The following MCM8 variants were observed in gnomAD, a reference collection of about 807,000 sequenced individuals.
MCM8 encodes the protein DNA helicase MCM8.
In MCM8, 85 loss-of-function variants were observed where a neutral mutation model predicts 98.9. The ratio of observed to expected loss-of-function variants is 0.86; its 90% CI spans 0.72 to 1.03. The LOEUF (loss-of-function observed/expected upper bound fraction) is 1.03. MCM8 is among the 50% of genes least tolerant of loss of function. MCM8 has a pLI of 0.00. For synonymous variants in MCM8, 352 were observed against 338.6 expected, an observed-to-expected ratio of 1.04 and a Z score of -0.44; for missense variants, 951 against 997.8, an observed-to-expected ratio of 0.95 and a Z score of 0.63.
chr20:5,973,719 A>G (rs1203679747), intron 12 of MCM8, among the ~76,000 whole-genome samples: 1 of 151,418 alleles, frequency 6.6e-6, no homozygotes, highest in Non-Finnish European at 1.5e-5. Flanking sequence ...CAGTGGCATG[A>G]TCTGGGCTCA....
chr20:5,955,434 A>G (rs2088952659), intron 5 of MCM8, among the ~76,000 whole-genome samples, 183 bp downstream of exon 5: 1 of 152,376 alleles, frequency 6.6e-6, no homozygotes, highest in Non-Finnish European at 1.5e-5. Context: ...GAAAGATACC[A>G]TTCATTCTAT....
chr20:5,953,777 A>C (rs2088897368), intron 3 of MCM8, among the ~76,000 whole-genome samples: 1 of 130,416 alleles, frequency 7.7e-6, no homozygotes, highest in Non-Finnish European at 1.5e-5. Flanking sequence ...CCAGCCGCAT[A>C]CTTTTTTTTT....
At chr20:5,989,204 C>G (rs1407692172) in intron 17 of MCM8, among the ~76,000 whole-genome samples, 1 of 148,584 alleles carries the variant, frequency 6.7e-6, no homozygotes, top group Non-Finnish European at 1.5e-5. Flanking sequence ...GCAGCCTGCG[C>G]CCCCTGGGTT....
At position 5,950,907 on chromosome 20, in the gene MCM8, C is replaced by T. The variant is rs2088803549; in HGVS notation, c.-122C>T. ...GCTAAGATCCCGGAGACTCTTAGCC[C>T]CGTGGTGCTTCTCTACGGGAGGGAG... On this transcript the variant is annotated 5_prime_UTR_variant, in exon 1 of 19. Coordinates refer to ENST00000610722, the MANE Select transcript of MCM8 (RefSeq NM_032485.6). 1 of 152,144 alleles carries T rather than the reference C, an allele frequency of 6.6e-6. No homozygotes were observed. The highest frequency in any genetic ancestry group is 2.4e-5 in the African/African-American group (1 of 41,386). 9.4% of individuals were successfully genotyped at this position (152,144 alleles called of 1,614,324 possible).
intron 8 of MCM8, among the ~76,000 whole-genome samples, chr20:5,963,871 T>G (rs2089213626): frequency 6.6e-6 from 1 of 152,250 alleles, no homozygotes; most frequent in Admixed American, 6.5e-5. Context: ...CTCTGTCAGA[T>G]TCCAGAAAGG....
At chr20:5,983,763 G>A (rs1253225080) in intron 14 of MCM8, among the ~76,000 whole-genome samples, 1 of 152,098 alleles carries the variant, frequency 6.6e-6, no homozygotes, top group African/African-American at 2.4e-5. Context: ...GGACCCCTTG[G>A]TGTGTTGATC....
chr20:5,972,406 C>T (rs1600274375), intron 11 of MCM8, among the ~76,000 whole-genome samples: 1 of 151,908 alleles, frequency 6.6e-6, no homozygotes, highest in African/African-American at 2.4e-5. Context: ...TGGGGTTTTG[C>T]CATGTTGCCC....
chr20:5,952,086 G>T lies in MCM8; in HGVS notation c.71G>T (p.Gly24Val). Residue 24 changes from glycine (G) to valine (V), a missense_variant, in exon 2 of 19, where the codon GGT (glycine) becomes GTT (valine). Gly to Val is a moderately radical substitution (Grantham distance 109). Coordinates refer to ENST00000610722, the MANE Select transcript of MCM8 (RefSeq NM_032485.6). ...RFQSWKRGRG[G>V]GNFSGKWRER... ...CAAAGCTGGAAAAGGGGAAGAGGTG[G>T]TGGGAACTTCTCAGGAAAATGGAGA... is the stretch of plus-strand genomic sequence containing the variant. 3.1e-6 allele frequency: 5 copies of T among 1,614,082 alleles called. No individual in the cohort carries two copies. The highest frequency in any genetic ancestry group is 4.2e-6 in the Non-Finnish European group (5 of 1,179,988).
At chr20:5,972,118 A>T in intron 11 of MCM8, 81 bp downstream of exon 11, 1 of 1,060,630 alleles carries the variant, frequency 9.4e-7, no homozygotes, top group Non-Finnish European at 1.4e-6. Context: ...AGAAAGTAGC[A>T]AATTTCTATT....
chr20:5,965,829 A>G (rs983081258), intron 8 of MCM8, among the ~76,000 whole-genome samples: 3 of 152,096 alleles, frequency 2.0e-5, no homozygotes, highest in Non-Finnish European at 4.4e-5. Flanking sequence ...TCTTCAATAT[A>G]CTATGGAATA....
chr20:5,981,979 A>G (rs1452451571), intron 13 of MCM8, among the ~76,000 whole-genome samples: 2 of 152,168 alleles, frequency 1.3e-5, no homozygotes, highest in Non-Finnish European at 2.9e-5. Context: ...ACAAAGCTTA[A>G]TACAATTAGA....
In MCM8 at chr20:5,997,174, T is replaced by G. The variant is rs141174250; in HGVS notation, c.*2783T>G. 1,214 of 146,716 alleles carry G rather than the reference T, an allele frequency of 8.3e-3. 14 individuals carry two copies. The highest frequency in any genetic ancestry group is 0.033 in the African/African-American group (1,112 of 34,002). The allele number at this position is 146,716 out of a possible 1,614,324, so 9.1% of individuals were successfully genotyped here. On this transcript the variant is annotated 3_prime_UTR_variant, in exon 19 of 19. Transcript: ENST00000610722. ...CATTACATCATGAAAGTTTCTTTTT[T>G]TTTCTTTTTTCTTTTTTTTTTTTTT...
chr20:5,952,231 C>A, intron 2 of MCM8, 68 bp downstream of exon 2: 1 of 1,588,426 alleles, frequency 6.3e-7, no homozygotes, highest in South Asian at 1.1e-5. Context: ...TCATACAAGG[C>A]GGTTTATCTC....
At chr20:5,954,513 A>G in intron 3 of MCM8, 95 bp from the exon 4 acceptor site, 1 of 566,908 alleles carries the variant, frequency 1.8e-6, no homozygotes, top group Non-Finnish European at 3.1e-6. Context: ...TTAGAAAAAA[A>G]TCATCTACCA....
In MCM8 at chr20:5,984,784, G is replaced by A. The variant is rs1198093865; in HGVS notation, c.1737G>A (p.Met579Ile). The change falls in exon 15 of 19, where the codon ATG becomes ATA. Residue 579 changes from methionine (M) to isoleucine (I), a missense_variant. Met to Ile is a conservative substitution (Grantham distance 10, BLOSUM62 1). Coordinates refer to ENST00000610722, the MANE Select transcript of MCM8 (RefSeq NM_032485.6). The part of the protein sequence containing the change: ...KAKTVSENLK[M>I]GSALLSRFDL... ...TTCTTTCTTTCATCCTTCATAGAAT[G>A]GGGAGTGCACTACTATCCAGATTTG... 2.5e-6 allele frequency: 4 copies of A among 1,605,010 alleles called. No individual in the cohort carries two copies. Among genetic ancestry groups the A allele is most frequent in the East Asian group, 4.5e-5 (2 of 44,804 alleles).
chr20:5,967,668 C>A (rs2122719968), intron 9 of MCM8, 81 bp downstream of exon 9: 1 of 1,473,868 alleles, frequency 6.8e-7, no homozygotes, highest in East Asian at 2.3e-5. Flanking sequence ...TCCTGAACCT[C>A]AAATAATTTG....
intron 8 of MCM8, among the ~76,000 whole-genome samples, chr20:5,964,376 A>G (rs965814798): frequency 2.6e-5 from 4 of 152,142 alleles, no homozygotes; most frequent in Non-Finnish European, 5.9e-5. Context: ...AGACCAACAT[A>G]TATAATAATT....
chr20:5,972,893 G>A (rs1039777333), intron 11 of MCM8, among the ~76,000 whole-genome samples, 163 bp from the exon 12 acceptor site: 7 of 152,238 alleles, frequency 4.6e-5, no homozygotes, highest in East Asian at 1.9e-4. Flanking sequence ...AATCATTTAC[G>A]TGATAGAAGT....
At chr20:5,978,083 A>G (rs2122772253) in intron 13 of MCM8, 66 bp downstream of exon 13, 1 of 1,575,992 alleles carries the variant, frequency 6.3e-7, no homozygotes, top group Non-Finnish European at 8.7e-7. Flanking sequence ...CTTTTCAGTT[A>G]ATTTCTTTAC....
Sources: gnomAD v4.1 joint callset for allele counts (sites outside exome capture counted in the v4.1 genomes callset) on GRCh38, gnomAD v4.1.1 for gene constraint, MANE v1.5 for transcripts, NCBI Gene and HGNC (gene_info 2026-07-23, HGNC 2026-07-21) for gene names.